Variants in GRK3 observed in about 807,000 individuals in gnomAD.
The protein encoded by GRK3 is G protein-coupled receptor kinase 3.
A neutral mutation model predicts 95.7 loss-of-function variants in GRK3; 54 were observed. The observed-to-expected ratio is 0.56, with a 90% CI of 0.45 to 0.71. The LOEUF (loss-of-function observed/expected upper bound fraction) is 0.71. GRK3 is among the 30% of genes least tolerant of loss of function. The probability of loss-of-function intolerance (pLI) is 0.00; values close to 1 mark genes in which losing one functional copy is unlikely to be tolerated. For synonymous variants in GRK3, 281 were observed against 290.8 expected, an observed-to-expected ratio of 0.97 and a Z score of 0.34; for missense variants, 649 against 851.2, an observed-to-expected ratio of 0.76 and a Z score of 2.96.
intron 3 of GRK3, among the ~76,000 whole-genome samples, chr22:25,658,556 G>T (rs932925013): frequency 6.6e-6 from 1 of 152,114 alleles, no homozygotes; most frequent in Non-Finnish European, 1.5e-5. Flanking sequence ...TACAGTTTCT[G>T]TTGGATGCCC....
At chr22:25,695,034 G>A (rs573686534) in intron 12 of GRK3, 73 bp from the exon 13 acceptor site, 10 of 1,055,796 alleles carry the variant, frequency 9.5e-6, no homozygotes, top group South Asian at 7.2e-5. Flanking sequence ...AAGGACACCC[G>A]GACCTTGGGG....
At chr22:25,574,819 C>T (rs1031497554) in intron 1 of GRK3, among the ~76,000 whole-genome samples, 5 of 152,072 alleles carry the variant, frequency 3.3e-5, no homozygotes, top group African/African-American at 9.7e-5. Flanking sequence ...CAATAAATAT[C>T]GTCATCACCA....
At chr22:25,578,247 G>C (rs1450637127) in intron 1 of GRK3, among the ~76,000 whole-genome samples, 1 of 152,052 alleles carries the variant, frequency 6.6e-6, no homozygotes, top group Non-Finnish European at 1.5e-5. Context: ...CTGACTCCAG[G>C]TGTGGGTGAG....
At chr22:25,574,028 T>C (rs1931800817) in intron 1 of GRK3, among the ~76,000 whole-genome samples, 5 of 152,218 alleles carry the variant, frequency 3.3e-5, no homozygotes, top group Admixed American at 3.3e-4. Flanking sequence ...GTTTCTTCAA[T>C]GTCAGCAATA....
chr22:25,620,252 C>A (rs1247740536), intron 2 of GRK3, among the ~76,000 whole-genome samples: 2 of 152,152 alleles, frequency 1.3e-5, no homozygotes, highest in Non-Finnish European at 2.9e-5. Flanking sequence ...ATTGGTTTGA[C>A]CAGGCCTGTC....
chr22:25,625,548 G>A lies in GRK3; in HGVS notation c.191-19044G>A, dbSNP rs141348116. Among the ~76,000 whole-genome samples, 962 of 152,266 alleles carry A rather than the reference G, an allele frequency of 6.3e-3. 10 individuals are homozygous for A. Among genetic ancestry groups the A allele is most frequent in the African/African-American group, 0.022 (905 of 41,574 alleles). ...ACAACACTCGCTACTTAGCAGACCG[G>A]GAAAGGGAGTCTCCCTTCCCCCGGG... On this transcript the variant is annotated intron_variant, in intron 2 of 20. Coordinates refer to ENST00000324198, the MANE Select transcript of GRK3 (RefSeq NM_005160.4).
chr22:25,567,872 C>T (rs1359786685), intron 1 of GRK3, among the ~76,000 whole-genome samples: 1 of 152,194 alleles, frequency 6.6e-6, no homozygotes, highest in Admixed American at 6.5e-5. Context: ...TTGCAGCTTC[C>T]TGCCTATTAC....
At chr22:25,693,399 T>A (rs977477473) in intron 12 of GRK3, among the ~76,000 whole-genome samples, 11 of 152,232 alleles carry the variant, frequency 7.2e-5, no homozygotes, top group African/African-American at 2.7e-4. Flanking sequence ...TGTAGATATC[T>A]TTCCATTCCA....
chr22:25,692,009 G>C (rs1462264398), intron 12 of GRK3, among the ~76,000 whole-genome samples: 1 of 152,078 alleles, frequency 6.6e-6, no homozygotes, highest in Non-Finnish European at 1.5e-5. Context: ...TGTCTCCAAG[G>C]CTGGAGTACA....
intron 15 of GRK3, among the ~76,000 whole-genome samples, chr22:25,707,946 T>C (rs1383396047): frequency 6.6e-6 from 1 of 151,934 alleles, no homozygotes; most frequent in African/African-American, 2.4e-5. Context: ...TGAGCAGGAA[T>C]CACCACCCCG....
chr22:25,708,998 C>A (rs964272906), intron 15 of GRK3, among the ~76,000 whole-genome samples: 6 of 151,960 alleles, frequency 3.9e-5, no homozygotes, highest in African/African-American at 1.2e-4. Context: ...TTAATCATGA[C>A]CTTCAAGAAA....
chr22:25,627,667 A>G (rs1407691569), intron 2 of GRK3, among the ~76,000 whole-genome samples: 1 of 152,256 alleles, frequency 6.6e-6, no homozygotes, highest in Non-Finnish European at 1.5e-5. Flanking sequence ...TAGAGAGAAA[A>G]ATAAACAAAA....
At chr22:25,630,847 A>G (rs2146367765) in intron 2 of GRK3, among the ~76,000 whole-genome samples, 1 of 152,332 alleles carries the variant, frequency 6.6e-6, no homozygotes, top group South Asian at 2.1e-4. Flanking sequence ...TGTGGGCAGG[A>G]TGGAGAACTT....
At chr22:25,622,988 C>T (rs997310251) in intron 2 of GRK3, among the ~76,000 whole-genome samples, 1 of 152,220 alleles carries the variant, frequency 6.6e-6, no homozygotes, top group Non-Finnish European at 1.5e-5. Context: ...GTCACCCAGG[C>T]TGGAGGGCGG....
intron 3 of GRK3, among the ~76,000 whole-genome samples, chr22:25,646,413 C>T (rs372674049): frequency 1.3e-5 from 2 of 152,074 alleles, no homozygotes; most frequent in African/African-American, 4.8e-5. Context: ...GAGTTCCAGA[C>T]ACATGTAGGT....
At chr22:25,582,746 T>C (rs2146320167) in intron 1 of GRK3, among the ~76,000 whole-genome samples, 1 of 152,318 alleles carries the variant, frequency 6.6e-6, no homozygotes, top group East Asian at 1.9e-4. Context: ...GTGTGGTAGC[T>C]GTCTATCAAA....
At chr22:25,575,573 G>A (rs780288236) in intron 1 of GRK3, among the ~76,000 whole-genome samples, 1 of 152,184 alleles carries the variant, frequency 6.6e-6, no homozygotes, top group African/African-American at 2.4e-5. Flanking sequence ...GTTTATTACA[G>A]TGGATGGTCA....
intron 1 of GRK3, among the ~76,000 whole-genome samples, chr22:25,582,337 A>G (rs1481529767): frequency 6.6e-6 from 1 of 152,192 alleles, no homozygotes; most frequent in Non-Finnish European, 1.5e-5. Flanking sequence ...AATTACCAAC[A>G]GGACCAGTGT....
intron 15 of GRK3, among the ~76,000 whole-genome samples, chr22:25,708,288 G>A (rs1477338093): frequency 6.6e-6 from 1 of 152,100 alleles, no homozygotes. Flanking sequence ...GTGGTAGGAA[G>A]TAGTCAGGTC....
Sources: allele counts gnomAD v4.1 joint callset (sites outside exome capture counted in the v4.1 genomes callset), GRCh38; gene constraint gnomAD v4.1.1; transcripts MANE v1.5; gene names NCBI Gene and HGNC (gene_info 2026-07-23, HGNC 2026-07-21).